The following PAPSS1 variants were observed in gnomAD, a reference collection of about 807,000 sequenced individuals.
PAPSS1 encodes the protein 3'-phosphoadenosine 5'-phosphosulfate synthase 1.
PAPSS1 carries 50 observed loss-of-function variants against 72.0 expected under a neutral mutation model. The observed-to-expected ratio is 0.69, with a 90% CI of 0.55 to 0.88. PAPSS1 has a LOEUF of 0.88. Ranked by LOEUF, PAPSS1 falls within the 40% of genes least tolerant of loss-of-function variation. The pLI is 0.00. For missense variants in PAPSS1, 657 were observed against 782.2 expected, an observed-to-expected ratio of 0.84 and a Z score of 1.91; for synonymous variants, 261 against 263.6, an observed-to-expected ratio of 0.99 and a Z score of 0.09.
rs191354657 is a variant in PAPSS1, at chr4:107,671,937, A to G, written c.669+10078T>C. On this transcript the variant is annotated intron_variant, in intron 5 of 11. Transcript: ENST00000265174. ...CCCACAGATATAGAACTCCAGATAC[A>G]GAGGGCCAACTTTCTAACGCTGATA... Among the ~76,000 whole-genome samples the G allele has an allele frequency of 8.5e-5, 13 of 152,330 alleles. No individual in the cohort carries two copies. The East Asian group carries it at 2.5e-3, about 29-fold the overall frequency.
At chr4:107,689,154 T>G (rs1291544964) in intron 3 of PAPSS1, among the ~76,000 whole-genome samples, 1 of 152,218 alleles carries the variant, frequency 6.6e-6, no homozygotes, top group Non-Finnish European at 1.5e-5. Flanking sequence ...ATCTACACTG[T>G]GGCAAAGGAT....
At position 107,614,139 on chromosome 4, in the gene PAPSS1, T is replaced by C. The variant is rs1292551120; in HGVS notation, c.*110A>G. The C allele has an allele frequency of 5.9e-6, 7 of 1,186,254 alleles. No homozygotes were observed. Among genetic ancestry groups the C allele is most frequent in the Non-Finnish European group, 5.9e-6 (5 of 844,034 alleles). The allele number at this position is 1,186,254 out of a possible 1,614,324, so 73.5% of individuals were successfully genotyped here. ...GATGCAAGTTAAGGAAAATGGTCTG[T>C]TTTTAGGAAGCATGTCCAGACAGAC... is the stretch of plus-strand genomic sequence containing the variant. On this transcript the variant is annotated 3_prime_UTR_variant, in exon 12 of 12. Transcript: ENST00000265174.
At chr4:107,637,469 C>T (rs1428024471) in intron 10 of PAPSS1, among the ~76,000 whole-genome samples, 1 of 152,118 alleles carries the variant, frequency 6.6e-6, no homozygotes, top group Non-Finnish European at 1.5e-5. Context: ...TACCACTAAA[C>T]CATTCTCTCC....
In PAPSS1 at chr4:107,649,788, T is replaced by G. The variant is rs113411144; in HGVS notation, c.1237+3703A>C. On this transcript the variant is annotated intron_variant, in intron 9 of 11. Coordinates refer to ENST00000265174, the MANE Select transcript of PAPSS1 (RefSeq NM_005443.5). ...ATTAACACTGTACTACCACACACTA[T>G]TCTGAAAGAAATTATGTCAACTCTT... is the stretch of plus-strand genomic sequence containing the variant. Among the ~76,000 whole-genome samples the G allele has an allele frequency of 7.3e-3, 1,111 of 152,364 alleles. 11 individuals are homozygous for G. Among genetic ancestry groups the G allele is most frequent in the African/African-American group, 0.024 (992 of 41,590 alleles).
intron 10 of PAPSS1, among the ~76,000 whole-genome samples, chr4:107,636,462 T>G (rs1227302532): frequency 6.6e-6 from 1 of 152,050 alleles, no homozygotes; most frequent in Non-Finnish European, 1.5e-5. Flanking sequence ...TTTTGGAAAA[T>G]CACTCGTTGA....
Position 107,645,067 on chromosome 4 carries a change from G to A in PAPSS1, c.1241C>T (p.Ala414Val), listed in dbSNP as rs748365407. Reference protein sequence around the residue: ...KQKFKDMNADAVFAFQLRNPV... With the variant: ...KQKFKDMNADVVFAFQLRNPV... ...GTTGCGTAGTTGAAATGCAAAGACA[G>A]CATCTGAAAAGAGAATTTCCAGAGT... is the stretch of plus-strand genomic sequence containing the variant. Residue 414 changes from alanine (A) to valine (V), a missense_variant, in exon 10 of 12, where the codon GCT becomes GTT. By Grantham distance (64) the Ala-to-Val change is moderately conservative. Coordinates refer to ENST00000265174, the MANE Select transcript of PAPSS1 (RefSeq NM_005443.5). 1 of 1,502,788 alleles carries A rather than the reference G, an allele frequency of 6.7e-7. No homozygotes were observed. Among genetic ancestry groups the A allele is most frequent in the Non-Finnish European group, 8.9e-7 (1 of 1,123,838 alleles). The allele number at this position is 1,502,788 out of a possible 1,614,324, so 93.1% of individuals were successfully genotyped here.
intron 1 of PAPSS1, among the ~76,000 whole-genome samples, chr4:107,714,919 G>C (rs1432925792): frequency 6.6e-6 from 1 of 152,134 alleles, no homozygotes; most frequent in Non-Finnish European, 1.5e-5. Context: ...AGAAGCCAGG[G>C]TGCAAAACTG....
chr4:107,614,412 T>A, intron 11 of PAPSS1, 25 bp from the exon 12 acceptor site: 1 of 1,576,394 alleles, frequency 6.3e-7, no homozygotes, highest in Non-Finnish European at 8.7e-7. Flanking sequence ...AAAAAGAAAA[T>A]TATTTCATAA....
Position 107,659,996 on chromosome 4 carries a change from GT to G in PAPSS1, c.745del (p.Thr249GlnfsTer9). 1 of 1,606,672 alleles carries G rather than the reference GT, an allele frequency of 6.2e-7. No individual in the cohort carries two copies. The highest frequency in any genetic ancestry group is 8.5e-7 in the Non-Finnish European group (1 of 1,175,830). ...CAGTGCTGGTAATGTTTCCGCATCT[GT>G]TTTTGCCAAATGAAGTTTATTTTCT... ...VPENKLHLAK[T>X]DAETLPALKI... On this transcript the variant is annotated frameshift_variant, in exon 6 of 12. Coordinates refer to ENST00000265174, the MANE Select transcript of PAPSS1 (RefSeq NM_005443.5). LOFTEE classifies it high-confidence loss of function.
chr4:107,650,867 G>A (rs1214034517), intron 9 of PAPSS1, among the ~76,000 whole-genome samples: 2 of 152,004 alleles, frequency 1.3e-5, no homozygotes, highest in Non-Finnish European at 2.9e-5. Context: ...AACAGAATTT[G>A]TCTGGCATAA....
intron 1 of PAPSS1, among the ~76,000 whole-genome samples, chr4:107,708,896 C>T (rs1169371375): frequency 2.6e-5 from 4 of 152,218 alleles, no homozygotes; most frequent in African/African-American, 9.6e-5. Flanking sequence ...CTGTATCCAC[C>T]CTTGTGCCAA....
intron 9 of PAPSS1, among the ~76,000 whole-genome samples, chr4:107,650,322 G>C (rs1726806502): frequency 6.6e-6 from 1 of 152,152 alleles, no homozygotes; most frequent in Admixed American, 6.5e-5. Context: ...TTTGATGTAA[G>C]GCTAATAACT....
chr4:107,699,116 ACAC>A (rs1194695722), intron 2 of PAPSS1, among the ~76,000 whole-genome samples: 1 of 152,162 alleles, frequency 6.6e-6, no homozygotes, highest in Non-Finnish European at 1.5e-5. Context: ...TAAATGGAAA[ACAC>A]CACGTTCAAG....
chr4:107,682,203 ATC>A (rs1722639998), intron 4 of PAPSS1, 70 bp from the exon 5 acceptor site: 1 of 779,126 alleles, frequency 1.3e-6, no homozygotes. Context: ...TTCAGTGCAG[ATC>A]TCTGCTACAT....
At chr4:107,621,636 T>TC (rs1352557703) in intron 11 of PAPSS1, among the ~76,000 whole-genome samples, 2 of 131,406 alleles carry the variant, frequency 1.5e-5, no homozygotes, top group Non-Finnish European at 3.1e-5. Flanking sequence ...TTTTTTTTTT[T>TC]TTGAGAAGGA....
chr4:107,704,036 A>G (rs1723274534), intron 1 of PAPSS1, among the ~76,000 whole-genome samples: 1 of 152,160 alleles, frequency 6.6e-6, no homozygotes, highest in Non-Finnish European at 1.5e-5. Context: ...AATGTTTCAC[A>G]GTTTTCAGTA....
intron 1 of PAPSS1, among the ~76,000 whole-genome samples, chr4:107,710,866 T>C (rs1452594820): frequency 2.0e-5 from 3 of 152,262 alleles, no homozygotes; most frequent in Admixed American, 6.5e-5. Context: ...AGGGCAATTA[T>C]ATCTTTTACA....
intron 11 of PAPSS1, among the ~76,000 whole-genome samples, chr4:107,621,608 CTTTT>C (rs10670438): frequency 9.3e-4 from 45 of 48,142 alleles, no homozygotes; most frequent in African/African-American, 1.7e-3. Context: ...GGTTTTTTAT[CTTTT>C]TTTTTTTTTT....
chr4:107,621,359 C>T (rs547410718), intron 11 of PAPSS1, among the ~76,000 whole-genome samples: 1 of 152,258 alleles, frequency 6.6e-6, no homozygotes, highest in African/African-American at 2.4e-5. Context: ...ATAAACTCAA[C>T]TGCGTACAAC....
Sources: allele counts gnomAD v4.1 joint callset (sites outside exome capture counted in the v4.1 genomes callset), GRCh38; gene constraint gnomAD v4.1.1; transcripts MANE v1.5; gene names NCBI Gene and HGNC (gene_info 2026-07-23, HGNC 2026-07-21).